Variants in MBNL2 observed in about 807,000 individuals in gnomAD.
The protein encoded by MBNL2 is muscleblind-like protein 2.
In MBNL2, 17 loss-of-function variants were observed where a neutral mutation model predicts 41.9. The observed-to-expected ratio is 0.41, with a 90% confidence interval of 0.28 to 0.61. MBNL2 has a LOEUF of 0.61. MBNL2 is among the 20% of genes least tolerant of loss of function. The probability of loss-of-function intolerance (pLI) is 0.35; values close to 1 mark genes in which losing one functional copy is unlikely to be tolerated. For synonymous variants in MBNL2, 195 were observed against 182.9 expected (o/e 1.07, Z -0.53); for missense variants, 336 against 505.6 (o/e 0.66, Z 3.22).
chr13:97,300,564 G>A (rs1341028999), intron 2 of MBNL2, among the ~76,000 whole-genome samples: 5 of 152,104 alleles, frequency 3.3e-5, no homozygotes, highest in Admixed American at 3.3e-4. Flanking sequence ...GAGCTCAGGC[G>A]GTAATGCTTG....
chr13:97,366,871 T>G lies in MBNL2; in HGVS notation c.1048+1700T>G, dbSNP rs1032657550. On this transcript the variant is annotated intron_variant, in intron 8 of 8. Transcript: ENST00000679496. The surrounding 1 kb of genome is among the most constrained non-coding windows in gnomAD (Gnocchi z 4.7). Reference sequence around the variant, plus strand: ...GGTTTGTGAATGGCCACATAAAAATTGTAGACGCGCACCCATGGGTGCTTC... The same window carrying G: ...GGTTTGTGAATGGCCACATAAAAATGGTAGACGCGCACCCATGGGTGCTTC... Among the ~76,000 whole-genome samples the G allele has an allele frequency of 6.6e-6, 1 of 152,124 alleles. No individual in the cohort carries two copies. Among genetic ancestry groups the G allele is most frequent in the African/African-American group, 2.4e-5 (1 of 41,406 alleles).
upstream of MBNL2, among the ~76,000 whole-genome samples, chr13:97,220,248 G>A (rs754231434): frequency 5.3e-5 from 8 of 152,104 alleles, no homozygotes; most frequent in Non-Finnish European, 7.4e-5. Flanking sequence ...ATTAATATAC[G>A]ACACAAGCCT....
chr13:97,239,312 T>C (rs2043849867), intron 1 of MBNL2, among the ~76,000 whole-genome samples: 1 of 152,260 alleles, frequency 6.6e-6, no homozygotes, highest in African/African-American at 2.4e-5. Flanking sequence ...AATGTCTCCT[T>C]ATAGTAATCT....
the MBNL2 span, among the ~76,000 whole-genome samples, chr13:97,170,578 G>A: frequency 6.6e-6 from 1 of 152,166 alleles, no homozygotes; most frequent in Non-Finnish European, 1.5e-5. Flanking sequence ...GATTGGTTGG[G>A]TTGGAGGTGA....
intron 2 of MBNL2, among the ~76,000 whole-genome samples, chr13:97,291,917 A>AAAAAAAAAAAAAAAAAAT (rs398070410): frequency 3.2e-5 from 4 of 125,426 alleles, no homozygotes; most frequent in African/African-American, 1.2e-4. Flanking sequence ...AAAAAAAAAA[A>AAAAAAAAAAAAAAAAAAT]GTGGGCTGGG....
At chr13:97,276,914 A>C (rs2152929629) in intron 2 of MBNL2, among the ~76,000 whole-genome samples, 1 of 152,122 alleles carries the variant, frequency 6.6e-6, no homozygotes, top group East Asian at 1.9e-4. Context: ...AATACTCAAT[A>C]CTTGAGAATC....
rs535728012 is a variant in MBNL2, at chr13:97,337,006, C to T, written c.339+2566C>T. 3.3e-5 allele frequency among the ~76,000 whole-genome samples: 5 copies of T among 152,274 alleles called. 1 individual carries two copies. The highest frequency in any genetic ancestry group is 1.2e-4 in the African/African-American group (5 of 41,562). ...CTCCATATTACCAAACCAACGGTCA[C>T]TTTTTGCCTTTATTGTTGCTGTGGT... On this transcript the variant is annotated intron_variant, in intron 3 of 8. Coordinates refer to ENST00000679496, the MANE Select transcript of MBNL2 (RefSeq NM_001382683.1).
At chr13:97,171,284 C>T in the MBNL2 span, among the ~76,000 whole-genome samples, 52 of 152,230 alleles carry the variant, frequency 3.4e-4, no homozygotes, top group African/African-American at 1.3e-3. Flanking sequence ...GTTAAGGAAA[C>T]ATAACTATAG....
At chr13:97,226,306 G>T (rs933414515) in intron 1 of MBNL2, among the ~76,000 whole-genome samples, 1 of 152,190 alleles carries the variant, frequency 6.6e-6, no homozygotes, top group East Asian at 1.9e-4. Context: ...CAGCAGAAAC[G>T]CTTGGTAATA....
chr13:97,280,170 TCC>T (rs1345664760), intron 2 of MBNL2, among the ~76,000 whole-genome samples: 1 of 152,208 alleles, frequency 6.6e-6, no homozygotes, highest in Non-Finnish European at 1.5e-5. Flanking sequence ...GCTTTTACGA[TCC>T]ATGAAACGCT....
rs151270661 is a variant in MBNL2 at position 97,310,509 on chromosome 13, A to G, written c.175-23767A>G. On this transcript the variant is annotated intron_variant, in intron 2 of 8. Transcript: ENST00000679496. ...CAGTGGCGCGATCTCGGCTCACTGC[A>G]AGCTCCCCATCCCAGGTTCACGCCA... is the stretch of plus-strand genomic sequence containing the variant. 4.3e-3 allele frequency among the ~76,000 whole-genome samples: 656 copies of G among 150,892 alleles called. 6 individuals carry two copies. Among genetic ancestry groups the G allele is most frequent in the African/African-American group, 0.015 (630 of 41,010 alleles).
chr13:97,155,562 A>G, the MBNL2 span, among the ~76,000 whole-genome samples: 1 of 138,776 alleles, frequency 7.2e-6, no homozygotes, highest in Non-Finnish European at 1.6e-5. Context: ...ACACCCCACA[A>G]CAGTCCCCAG....
upstream of MBNL2, among the ~76,000 whole-genome samples, chr13:97,219,391 G>A (rs2040673883): frequency 1.3e-5 from 2 of 152,206 alleles, no homozygotes; most frequent in African/African-American, 4.8e-5. Flanking sequence ...GCAATCTAAA[G>A]AGAGTTAAAG....
At chr13:97,220,060 G>A (rs1456579093), upstream of MBNL2, among the ~76,000 whole-genome samples, 1 of 152,222 alleles carries the variant, frequency 6.6e-6, no homozygotes, top group Non-Finnish European at 1.5e-5. Context: ...AGCTCATGCA[G>A]TTGGATGAAT....
intron 2 of MBNL2, among the ~76,000 whole-genome samples, chr13:97,331,002 A>G (rs1256075030): frequency 6.6e-6 from 1 of 152,230 alleles, no homozygotes; most frequent in East Asian, 1.9e-4. Context: ...AGTTGAAAAT[A>G]ATTTTAAACA....
At chr13:97,145,863 T>C in the MBNL2 span, among the ~76,000 whole-genome samples, 1 of 152,220 alleles carries the variant, frequency 6.6e-6, no homozygotes, top group African/African-American at 2.4e-5. Context: ...GACCAAGCAG[T>C]TGATCTACCT....
intron 1 of MBNL2, among the ~76,000 whole-genome samples, chr13:97,234,030 G>A (rs1159496641): frequency 6.6e-6 from 1 of 152,192 alleles, no homozygotes; most frequent in Non-Finnish European, 1.5e-5. Flanking sequence ...AGGCATCTGA[G>A]GGATTATTAG....
At chr13:97,384,903 C>T (rs1430629238) in intron 8 of MBNL2, among the ~76,000 whole-genome samples, 1 of 152,020 alleles carries the variant, frequency 6.6e-6, no homozygotes, top group Non-Finnish European at 1.5e-5. Flanking sequence ...AGTGATTCTG[C>T]CCCCAGCCTG....
At chr13:97,364,634 C>T (rs575136627) in intron 7 of MBNL2, among the ~76,000 whole-genome samples, 8 of 152,274 alleles carry the variant, frequency 5.3e-5, no homozygotes, top group Admixed American at 1.3e-4. Flanking sequence ...AACAAGTAAA[C>T]GTTTAATGCA....
Sources: allele counts gnomAD v4.1 joint callset (sites outside exome capture counted in the v4.1 genomes callset), GRCh38; gene constraint gnomAD v4.1.1; non-coding constraint Gnocchi (gnomAD v3.1); transcripts MANE v1.5; gene names NCBI Gene and HGNC (gene_info 2026-07-23, HGNC 2026-07-21).